Variants in ABCB4 observed in about 807,000 individuals in gnomAD.
The protein encoded by ABCB4 is ATP binding cassette subfamily B member 4.
Under a neutral mutation model 145.7 loss-of-function variants are expected in ABCB4, and 76 were observed. The observed-to-expected ratio is 0.52, with a 90% CI of 0.43 to 0.63. ABCB4 has a LOEUF of 0.63. ABCB4 is among the 30% of genes least tolerant of loss of function. The pLI is 0.00. For missense variants in ABCB4, 1,234 were observed against 1,553.1 expected, an observed-to-expected ratio of 0.79 and a Z score of 3.45; for synonymous variants, 517 against 566.8, an observed-to-expected ratio of 0.91 and a Z score of 1.25.
intron 3 of ABCB4, among the ~76,000 whole-genome samples, chr7:87,471,377 A>T (rs527531363): frequency 2.2e-4 from 33 of 152,298 alleles, no homozygotes; most frequent in African/African-American, 7.2e-4. Flanking sequence ...AAACAAATTT[A>T]AAAAAATAAA....
chr7:87,450,215 T>A, intron 7 of ABCB4, 123 bp from the exon 8 acceptor site: 1 of 1,342,990 alleles, frequency 7.4e-7, no homozygotes, highest in Non-Finnish European at 1.0e-6. Flanking sequence ...TAAAGTCATG[T>A]AGCAAATGCC....
At chr7:87,471,416 A>G (rs1813391425) in intron 3 of ABCB4, among the ~76,000 whole-genome samples, 1 of 152,170 alleles carries the variant, frequency 6.6e-6, no homozygotes, top group Non-Finnish European at 1.5e-5. Flanking sequence ...AAAATAAATA[A>G]AACCAGCTTT....
At chr7:87,403,022 C>T in intron 27 of ABCB4, 113 bp downstream of exon 27, 2 of 1,196,112 alleles carry the variant, frequency 1.7e-6, no homozygotes, top group Non-Finnish European at 2.5e-6. Flanking sequence ...AAACCACTAT[C>T]TAACGTTCTG....
chr7:87,462,077 A>G (rs1284731288), intron 4 of ABCB4, among the ~76,000 whole-genome samples: 1 of 152,216 alleles, frequency 6.6e-6, no homozygotes, highest in Non-Finnish European at 1.5e-5. Context: ...TTTCCTTTCT[A>G]TGTTGAATTT....
intron 3 of ABCB4, among the ~76,000 whole-genome samples, chr7:87,465,535 C>T (rs1375595847): frequency 6.6e-6 from 1 of 152,174 alleles, no homozygotes; most frequent in African/African-American, 2.4e-5. Context: ...CCCTGTCTGA[C>T]AGGTTTCAAG....
intron 2 of ABCB4, among the ~76,000 whole-genome samples, chr7:87,474,397 T>C (rs1813642544): frequency 6.6e-6 from 1 of 152,198 alleles, no homozygotes; most frequent in Non-Finnish European, 1.5e-5. Flanking sequence ...AAAAATACAA[T>C]GGTGCTTAGA....
downstream of ABCB4, among the ~76,000 whole-genome samples, chr7:87,400,299 A>G (rs1225622509): frequency 1.3e-5 from 2 of 152,218 alleles, no homozygotes; most frequent in Non-Finnish European, 2.9e-5. Flanking sequence ...TACTATAGCA[A>G]TCTGCCAGAC....
the ABCB4 span, among the ~76,000 whole-genome samples, chr7:87,367,376 T>C: frequency 6.6e-6 from 1 of 152,166 alleles, no homozygotes; most frequent in Non-Finnish European, 1.5e-5. Context: ...ACCAATTTTC[T>C]TCTAGAGCCT....
Position 87,431,617 on chromosome 7 carries a change from A to T in ABCB4, c.1732-52T>A, listed in dbSNP as rs773949086. 5.0e-6 allele frequency: 8 copies of T among 1,606,730 alleles called. No individual in the cohort carries two copies. In the East Asian group the frequency reaches 1.8e-4, roughly 36 times the overall value. ...AGGGTTACAGTATTGGCACACTGTCAATTAACATGCACAGTTAAGCACTTG... is the reference window on the plus strand; with the variant it reads ...AGGGTTACAGTATTGGCACACTGTCTATTAACATGCACAGTTAAGCACTTG... On this transcript the variant is annotated intron_variant, in intron 14 of 27. Transcript: ENST00000649586.
intron 15 of ABCB4, among the ~76,000 whole-genome samples, chr7:87,429,856 G>T (rs1810083373): frequency 6.7e-6 from 1 of 148,564 alleles, no homozygotes; most frequent in Non-Finnish European, 1.5e-5. Context: ...GGGGGAATTT[G>T]CAAATTTTAG....
At chr7:87,459,550 C>G (rs565878037) in intron 4 of ABCB4, among the ~76,000 whole-genome samples, 6 of 151,952 alleles carry the variant, frequency 3.9e-5, no homozygotes, top group Non-Finnish European at 8.8e-5. Context: ...ATCTGTTAAT[C>G]TGATTTTTTT....
chr7:87,436,400 C>G (rs1810614157), intron 14 of ABCB4, among the ~76,000 whole-genome samples: 2 of 151,656 alleles, frequency 1.3e-5, no homozygotes, highest in Admixed American at 1.3e-4. Flanking sequence ...AAGAGAGGAG[C>G]CTGTCTCAAA....
At chr7:87,465,316 C>T (rs988442459) in intron 3 of ABCB4, among the ~76,000 whole-genome samples, 1 of 152,154 alleles carries the variant, frequency 6.6e-6, no homozygotes, top group Non-Finnish European at 1.5e-5. Flanking sequence ...AAGGTGGCAG[C>T]GAGGCTGGGG....
intron 3 of ABCB4, among the ~76,000 whole-genome samples, chr7:87,471,699 C>G (rs778197198): frequency 6.6e-6 from 1 of 152,102 alleles, no homozygotes; most frequent in Non-Finnish European, 1.5e-5. Context: ...TCATATTTAC[C>G]AAAAATGGGC....
chr7:87,444,603 T>C (rs952716415), intron 10 of ABCB4, among the ~76,000 whole-genome samples: 1 of 152,202 alleles, frequency 6.6e-6, no homozygotes, highest in Non-Finnish European at 1.5e-5. Context: ...GAAACGTCTT[T>C]GCTCTGCACT....
intron 22 of ABCB4, among the ~76,000 whole-genome samples, 160 bp from the exon 23 acceptor site, chr7:87,412,193 T>C (rs1485312961): frequency 6.6e-6 from 1 of 152,222 alleles, no homozygotes; most frequent in Non-Finnish European, 1.5e-5. Context: ...ATTTATACCA[T>C]GGAAATAATC....
chr7:87,472,350 A>G (rs965259150), intron 3 of ABCB4, among the ~76,000 whole-genome samples: 2 of 152,126 alleles, frequency 1.3e-5, no homozygotes, highest in Non-Finnish European at 2.9e-5. Context: ...AGCTGGGACT[A>G]CAGGTTCATG....
intron 3 of ABCB4, among the ~76,000 whole-genome samples, chr7:87,471,004 G>A (rs1179785924): frequency 2.6e-5 from 4 of 152,128 alleles, no homozygotes; most frequent in African/African-American, 7.2e-5. Flanking sequence ...TTAAGAAAAT[G>A]TGGCACATAT....
rs751735305 is a variant in ABCB4, at chr7:87,422,139, A to C, written c.2298T>G (p.Phe766Leu). 2 of 1,611,638 alleles carry C rather than the reference A, an allele frequency of 1.2e-6. No homozygotes were observed. Among genetic ancestry groups the C allele is most frequent in the South Asian group, 2.2e-5 (2 of 90,826 alleles). The change falls in exon 18 of 28, where the codon TTT (phenylalanine) becomes TTG (leucine). Residue 766 changes from phenylalanine (F) to leucine (L), a missense_variant. Physicochemically the swap from Phe to Leu is conservative, Grantham distance 22 (BLOSUM62 0). Around this residue, in one of 7 missense-constraint regions of ABCB4, gnomAD observed 321 missense variants for 332.6 expected, o/e 0.97. Coordinates refer to ENST00000649586, the MANE Select transcript of ABCB4 (RefSeq NM_000443.4). Reference sequence around the variant, plus strand: ...TACCTACCTGAAGGAAGAAAGTAAAAAAAGAAATAATTCCCAGAAATAAGA... The same window carrying C: ...TACCTACCTGAAGGAAGAAAGTAAACAAAGAAATAATTCCCAGAAATAAGA... The part of the protein sequence containing the change: ...LIFLFLGIIS[F>L]FTFFLQGFTF...
Sources: gnomAD v4.1 joint callset for allele counts (sites outside exome capture counted in the v4.1 genomes callset) on GRCh38, gnomAD v4.1.1 for gene constraint, gnomAD v4.1.1 regional missense constraint, MANE v1.5 for transcripts, NCBI Gene and HGNC (gene_info 2026-07-23, HGNC 2026-07-21) for gene names.